Variants in CACNA2D3 observed in about 807,000 individuals in gnomAD.
CACNA2D3 encodes the protein calcium voltage-gated channel auxiliary subunit alpha2delta 3, also known as voltage-dependent calcium channel subunit alpha-2/delta-3.
A neutral mutation model predicts 160.6 loss-of-function variants in CACNA2D3; 60 were observed. That is an observed-to-expected ratio of 0.37 (90% confidence interval 0.30 to 0.46). The LOEUF (loss-of-function observed/expected upper bound fraction) is 0.46, where lower values mean the gene tolerates loss of function less well. CACNA2D3 is among the 20% of genes least tolerant of loss of function. CACNA2D3 has a pLI of 1.00. For missense variants in CACNA2D3, 1,205 were observed against 1,365.0 expected (o/e 0.88, Z 1.85); for synonymous variants, 558 against 492.9 (o/e 1.13, Z -1.75).
At chr3:54,704,197 T>C (rs991210746) in intron 11 of CACNA2D3, among the ~76,000 whole-genome samples, 2 of 152,180 alleles carry the variant, frequency 1.3e-5, no homozygotes, top group African/African-American at 4.8e-5. Context: ...CTGGAACAAA[T>C]TGAAAGGTTA....
At chr3:54,357,744 A>G (rs1295017395) in intron 3 of CACNA2D3, among the ~76,000 whole-genome samples, 1 of 152,256 alleles carries the variant, frequency 6.6e-6, no homozygotes, top group Non-Finnish European at 1.5e-5. Flanking sequence ...ATAAAAAGAA[A>G]TGGCCTATCA....
intron 2 of CACNA2D3, among the ~76,000 whole-genome samples, chr3:54,220,818 G>GCTGCT (rs1257051918): frequency 6.6e-6 from 1 of 152,160 alleles, no homozygotes; most frequent in African/African-American, 2.4e-5. Context: ...GCTCAGCTAT[G>GCTGCT]CTGCTGAGTC....
intron 12 of CACNA2D3, among the ~76,000 whole-genome samples, chr3:54,757,259 A>T (rs1035423699): frequency 6.6e-6 from 1 of 152,152 alleles, no homozygotes; most frequent in African/African-American, 2.4e-5. Flanking sequence ...CCGATCAGTC[A>T]TCGTCAGGTC....
rs1701876438 is a variant in CACNA2D3, at chr3:54,752,460, G to C, written c.1168-139G>C. On this transcript the variant is annotated intron_variant, in intron 11 of 37. Coordinates refer to ENST00000474759, the MANE Select transcript of CACNA2D3 (RefSeq NM_018398.3). ...TACATTTCTAGCTGACTATACTTCA[G>C]ATGTCTTAAATATGTTCCTGCAGAT... 2 of 636,096 alleles carry C rather than the reference G, an allele frequency of 3.1e-6. 1 individual carries two copies. Among genetic ancestry groups the C allele is most frequent in the South Asian group, 3.8e-5 (2 of 51,986 alleles). 39.4% of individuals were successfully genotyped at this position (636,096 alleles called of 1,614,324 possible).
At chr3:54,955,539 G>A (rs1701866320) in intron 27 of CACNA2D3, among the ~76,000 whole-genome samples, 1 of 152,190 alleles carries the variant, frequency 6.6e-6, no homozygotes, top group Admixed American at 6.5e-5. Flanking sequence ...GATAAGAGGA[G>A]AAACAATACT....
At chr3:54,401,588 G>C (rs1699465920) in intron 4 of CACNA2D3, among the ~76,000 whole-genome samples, 1 of 152,122 alleles carries the variant, frequency 6.6e-6, no homozygotes, top group Admixed American at 6.6e-5. Flanking sequence ...AGGAGAGAAA[G>C]GGATGAAAAT....
At chr3:54,308,702 C>G (rs972420281) in intron 2 of CACNA2D3, among the ~76,000 whole-genome samples, 6 of 152,194 alleles carry the variant, frequency 3.9e-5, no homozygotes, top group African/African-American at 1.2e-4. Context: ...CTTGATCTCT[C>G]TATACCTTAG....
chr3:54,506,526 G>A (rs1229881190), intron 5 of CACNA2D3, among the ~76,000 whole-genome samples: 1 of 152,118 alleles, frequency 6.6e-6, no homozygotes, highest in East Asian at 1.9e-4. Context: ...CTGGCAACTG[G>A]GCTGCTCAGC....
At chr3:54,467,610 G>A (rs1700651942) in intron 4 of CACNA2D3, among the ~76,000 whole-genome samples, 1 of 152,146 alleles carries the variant, frequency 6.6e-6, no homozygotes, top group Non-Finnish European at 1.5e-5. Context: ...ATTATATTGA[G>A]TGAAATAAGC....
At chr3:54,361,257 A>G (rs1698738067) in intron 3 of CACNA2D3, among the ~76,000 whole-genome samples, 1 of 151,410 alleles carries the variant, frequency 6.6e-6, no homozygotes, top group South Asian at 2.1e-4. Flanking sequence ...GGAACCTGTC[A>G]AGTGGGTTGA....
chr3:54,424,549 G>C (rs1699885409), intron 4 of CACNA2D3, among the ~76,000 whole-genome samples: 1 of 152,172 alleles, frequency 6.6e-6, no homozygotes, highest in Non-Finnish European at 1.5e-5. Flanking sequence ...GACTCCTGGA[G>C]ATGACGAGGC....
intron 11 of CACNA2D3, among the ~76,000 whole-genome samples, chr3:54,725,779 A>G (rs1701264535): frequency 2.6e-5 from 4 of 152,212 alleles, no homozygotes; most frequent in African/African-American, 9.6e-5. Context: ...AACGAGAGCT[A>G]TTTATGACAG....
chr3:54,180,308 C>T (rs1183363207), intron 2 of CACNA2D3, among the ~76,000 whole-genome samples: 2 of 152,128 alleles, frequency 1.3e-5, no homozygotes, highest in Non-Finnish European at 2.9e-5. Flanking sequence ...TGTGCACTTG[C>T]TTTGTGACAT....
chr3:54,412,607 G>GTTGTTTTTTTTT (rs1342144952), intron 4 of CACNA2D3, among the ~76,000 whole-genome samples: 1 of 40,430 alleles, frequency 2.5e-5, no homozygotes, highest in South Asian at 9.9e-4. Context: ...TTCTGGTCTT[G>GTTGTTTTTTTTT]TTCTTTTTTT....
intron 9 of CACNA2D3, among the ~76,000 whole-genome samples, chr3:54,593,201 C>T (rs147388222): frequency 7.2e-4 from 110 of 152,236 alleles, no homozygotes; most frequent in Admixed American, 1.8e-3. Flanking sequence ...GAACAACCTA[C>T]ATGTAAATAA....
At chr3:54,817,814 G>T (rs1010699945) in intron 14 of CACNA2D3, among the ~76,000 whole-genome samples, 1 of 152,202 alleles carries the variant, frequency 6.6e-6, no homozygotes, top group Admixed American at 6.5e-5. Context: ...TATATTTGAG[G>T]TATTTAAACA....
intron 2 of CACNA2D3, among the ~76,000 whole-genome samples, chr3:54,249,136 T>G (rs1337164739): frequency 1.3e-5 from 2 of 152,152 alleles, no homozygotes; most frequent in Non-Finnish European, 2.9e-5. Context: ...TGGATTTGGT[T>G]GTACACAGGT....
chr3:54,326,304 G>A (rs1356585172), intron 3 of CACNA2D3, among the ~76,000 whole-genome samples: 2 of 152,094 alleles, frequency 1.3e-5, no homozygotes, highest in Non-Finnish European at 2.9e-5. Context: ...AAAGCTAGAG[G>A]GTACTATTAA....
chr3:54,870,179 C>T (rs961283618), intron 17 of CACNA2D3, among the ~76,000 whole-genome samples: 1 of 152,096 alleles, frequency 6.6e-6, no homozygotes, highest in South Asian at 2.1e-4. Context: ...GGTGCAAGAT[C>T]GACCCCTTCT....
Sources: allele counts gnomAD v4.1 joint callset (sites outside exome capture counted in the v4.1 genomes callset), GRCh38; gene constraint gnomAD v4.1.1; transcripts MANE v1.5; gene names NCBI Gene and HGNC (gene_info 2026-07-23, HGNC 2026-07-21).